The following GRIK1 variants were observed in gnomAD, a reference collection of about 807,000 sequenced individuals.
GRIK1 encodes glutamate receptor ionotropic, kainate 1.
In GRIK1, 69 loss-of-function variants were observed where a neutral mutation model predicts 105.7. That is an observed-to-expected ratio of 0.65 (90% CI 0.54 to 0.80). GRIK1 has a LOEUF of 0.80. GRIK1 is among the 30% of genes least tolerant of loss of function. The pLI is 0.00. For missense variants in GRIK1, 1,109 were observed against 1,167.3 expected, an observed-to-expected ratio of 0.95 and a Z score of 0.73; for synonymous variants, 438 against 431.3, an observed-to-expected ratio of 1.02 and a Z score of -0.19.
intron 1 of GRIK1, among the ~76,000 whole-genome samples, chr21:29,738,377 C>T (rs188123983): frequency 6.6e-6 from 1 of 152,324 alleles, no homozygotes; most frequent in Admixed American, 6.5e-5. Context: ...TCAGAAGAAG[C>T]AAACAGTTTT....
At chr21:29,811,079 G>C (rs1235519030) in intron 1 of GRIK1, among the ~76,000 whole-genome samples, 1 of 152,068 alleles carries the variant, frequency 6.6e-6, no homozygotes, top group Non-Finnish European at 1.5e-5. Context: ...TAATAATCTG[G>C]TGGTGCTCGC....
chr21:29,817,030 A>G (rs2145911883), intron 1 of GRIK1, among the ~76,000 whole-genome samples: 1 of 152,280 alleles, frequency 6.6e-6, no homozygotes, highest in African/African-American at 2.4e-5. Flanking sequence ...ATGCATCAAA[A>G]TATCAGATGT....
At chr21:29,814,778 A>C (rs1266817638) in intron 1 of GRIK1, among the ~76,000 whole-genome samples, 1 of 152,128 alleles carries the variant, frequency 6.6e-6, no homozygotes, top group Non-Finnish European at 1.5e-5. Context: ...ACAGGTATGC[A>C]TTAGGGTGTA....
At chr21:29,664,186 T>C (rs1203819444) in intron 4 of GRIK1, among the ~76,000 whole-genome samples, 2 of 152,102 alleles carry the variant, frequency 1.3e-5, no homozygotes, top group Non-Finnish European at 2.9e-5. Context: ...TTACATTAGG[T>C]GAGATCTCAG....
intron 1 of GRIK1, among the ~76,000 whole-genome samples, chr21:29,735,251 T>C (rs1000474093): frequency 2.6e-5 from 4 of 152,228 alleles, no homozygotes; most frequent in Admixed American, 6.5e-5. Context: ...CTTATTAGAA[T>C]TGACTCTGAA....
chr21:29,875,159 T>C (rs2069149871), intron 1 of GRIK1, among the ~76,000 whole-genome samples: 1 of 152,146 alleles, frequency 6.6e-6, no homozygotes, highest in South Asian at 2.1e-4. Context: ...TTTCTAATTA[T>C]AGCCTGTCTA....
chr21:29,581,047 A>G (rs1429034132), intron 13 of GRIK1, among the ~76,000 whole-genome samples: 1 of 152,116 alleles, frequency 6.6e-6, no homozygotes, highest in African/African-American at 2.4e-5. Flanking sequence ...ATCTCAGTGA[A>G]TTTAATCTCC....
intron 8 of GRIK1, among the ~76,000 whole-genome samples, chr21:29,598,315 T>C (rs935071583): frequency 3.3e-5 from 5 of 152,146 alleles, no homozygotes; most frequent in Admixed American, 2.0e-4. Context: ...TAAAATACAG[T>C]TTTTTGGCAT....
intron 1 of GRIK1, among the ~76,000 whole-genome samples, chr21:29,775,278 A>G (rs2065914770): frequency 6.8e-6 from 1 of 146,828 alleles, no homozygotes; most frequent in Admixed American, 6.7e-5. Flanking sequence ...TCTGTCTCAA[A>G]AAAAAAAAAA....
At chr21:29,537,685 A>C (rs2089902207) in intron 17 of GRIK1, 113 bp downstream of exon 17, 2 of 778,982 alleles carry the variant, frequency 2.6e-6, no homozygotes, top group Middle Eastern at 4.6e-4. Context: ...ACCTTTGCTG[A>C]GACACCAAAA....
At chr21:29,762,799 G>A (rs151151485) in intron 1 of GRIK1, among the ~76,000 whole-genome samples, 3 of 152,158 alleles carry the variant, frequency 2.0e-5, no homozygotes, top group East Asian at 3.9e-4. Context: ...ATTTTCTTTA[G>A]GTGTCATTTG....
intron 1 of GRIK1, among the ~76,000 whole-genome samples, chr21:29,785,504 C>T (rs914412937): frequency 6.6e-4 from 89 of 134,870 alleles, no homozygotes; most frequent in Non-Finnish European, 9.1e-5. Context: ...GCAGAGGTTG[C>T]AGTGGGCCAA....
chr21:29,799,281 T>A (rs1181987755), intron 1 of GRIK1, among the ~76,000 whole-genome samples: 1 of 152,194 alleles, frequency 6.6e-6, no homozygotes, highest in Non-Finnish European at 1.5e-5. Context: ...ACATTTAGAC[T>A]GACATGGACA....
At chr21:29,769,769 C>T (rs544472157) in intron 1 of GRIK1, among the ~76,000 whole-genome samples, 3 of 152,124 alleles carry the variant, frequency 2.0e-5, no homozygotes, top group South Asian at 4.2e-4. Flanking sequence ...GGAGGGAGAC[C>T]GGGGACAGAT....
In GRIK1 at chr21:29,553,695, A is replaced by G. The variant is rs747440471; in HGVS notation, c.2607+1357T>C. 2.5e-5 allele frequency: 40 copies of G among 1,576,174 alleles called. No individual in the cohort carries two copies. The highest frequency in any genetic ancestry group is 2.0e-4 in the Admixed American group (10 of 50,556). ...TGCTTACATTGCAGTCCATAAAAGA[A>G]ACAAAAAGCCTTGCATGCAAAAGAA... On this transcript the variant is annotated intron_variant, in intron 16 of 17. Transcript: ENST00000327783.
intron 1 of GRIK1, among the ~76,000 whole-genome samples, chr21:29,835,894 G>A (rs576754719): frequency 8.0e-4 from 121 of 152,194 alleles, no homozygotes; most frequent in Non-Finnish European, 1.6e-3. Context: ...AGATAATTCC[G>A]GCTTAAAGTA....
At chr21:29,838,681 C>T (rs464144) in intron 1 of GRIK1, among the ~76,000 whole-genome samples, 54,770 of 152,016 alleles carry the variant, frequency 0.36, 10,697 homozygotes, top group East Asian at 0.69. Flanking sequence ...AGCAAAATAA[C>T]GTGGATTTTA....
chr21:29,797,763 T>C (rs1569105038), intron 1 of GRIK1, among the ~76,000 whole-genome samples: 3 of 152,318 alleles, frequency 2.0e-5, no homozygotes, highest in Non-Finnish European at 4.4e-5. Context: ...ATGCCTGAGC[T>C]TGTCATTTTT....
chr21:29,767,515 GAA>G (rs78865885), intron 1 of GRIK1, among the ~76,000 whole-genome samples: 41 of 141,196 alleles, frequency 2.9e-4, no homozygotes, highest in African/African-American at 1.0e-3. Flanking sequence ...GAGAAAGATG[GAA>G]AAAAAAAAAG....
Sources: gnomAD v4.1 joint callset for allele counts (sites outside exome capture counted in the v4.1 genomes callset) on GRCh38, gnomAD v4.1.1 for gene constraint, MANE v1.5 for transcripts, NCBI Gene and HGNC (gene_info 2026-07-23, HGNC 2026-07-21) for gene names.